RGS9: variants seen among roughly 807,000 people sequenced by gnomAD.
The protein encoded by RGS9 is regulator of G-protein signalling 9.
In RGS9, 78 loss-of-function variants were observed where a neutral mutation model predicts 102.0. The ratio of observed to expected loss-of-function variants is 0.76; its 90% CI spans 0.64 to 0.92. The LOEUF is 0.92. Ranked by LOEUF, RGS9 falls within the 40% of genes least tolerant of loss-of-function variation. The probability of loss-of-function intolerance (pLI) is 0.00; values close to 1 mark genes in which losing one functional copy is unlikely to be tolerated. For missense variants in RGS9, 833 were observed against 866.1 expected, an observed-to-expected ratio of 0.96 and a Z score of 0.48; for synonymous variants, 353 against 318.6, an observed-to-expected ratio of 1.11 and a Z score of -1.15.
chr17:65,193,616 A>T lies in RGS9; in HGVS notation c.820A>T (p.Ile274Phe). Residue 274 changes from isoleucine to phenylalanine, a missense_variant, in exon 12 of 19, where the codon ATC becomes TTC. This residue lies in a region of RGS9 where 328 missense variants were observed against 340.6 expected (regional missense o/e 0.96). Transcript: ENST00000262406. ...MSGCLPSNPWITDDTQFWDLN... is the reference protein window; with the variant it reads ...MSGCLPSNPWFTDDTQFWDLN... ...AGGCTGCCTCCCCAGCAACCCCTGG[A>T]TCACCGATGACACCCAGTTCTGGGA... The T allele has an allele frequency of 6.2e-7, 1 of 1,613,922 alleles. No individual in the cohort carries two copies. The highest frequency in any genetic ancestry group is 1.3e-5 in the African/African-American group (1 of 75,040).
At chr17:65,190,353 G>T in intron 11 of RGS9, 117 bp downstream of exon 11, 1 of 855,598 alleles carries the variant, frequency 1.2e-6, no homozygotes, top group South Asian at 1.3e-5. Context: ...AGAACTGTGA[G>T]GGACAAAACC....
At chr17:65,165,055 G>T (rs1911125514) in intron 7 of RGS9, among the ~76,000 whole-genome samples, 1 of 152,092 alleles carries the variant, frequency 6.6e-6, no homozygotes, top group Non-Finnish European at 1.5e-5. Context: ...CCAGCACTGG[G>T]CTGGGCTCCA....
rs148648846 is a variant in RGS9 at position 65,181,015 on chromosome 17, A to G, written c.654+3212A>G. ...ATGGCTGCATAGTATTCCATGGTATATATGTACCACATTTTCTTCATCCAG... is the reference window on the plus strand; with the variant it reads ...ATGGCTGCATAGTATTCCATGGTATGTATGTACCACATTTTCTTCATCCAG... On this transcript the variant is annotated intron_variant, in intron 9 of 18. Transcript: ENST00000262406. Among the ~76,000 whole-genome samples the G allele has an allele frequency of 2.8e-4, 43 of 152,328 alleles. No individual in the cohort carries two copies. The East Asian group carries it at 8.3e-3, about 29-fold the overall frequency.
rs373854315 is a variant in RGS9 at position 65,160,313 on chromosome 17, C to G, written c.286C>G (p.Pro96Ala). 1.9e-6 allele frequency: 3 copies of G among 1,613,950 alleles called. No individual in the cohort carries two copies. The highest frequency in any genetic ancestry group is 2.7e-5 in the African/African-American group (2 of 74,938). The change falls in exon 4 of 19, where the codon CCT becomes GCT. Residue 96 changes from proline (P) to alanine (A), a missense_variant. Pro to Ala is a conservative substitution (Grantham distance 27). Transcript: ENST00000262406. ...AGACCCCAAGAATCTCATTCTCAAG[C>G]CTGATGGCAGCCTCTACAGATTTCA... ...LQDPKNLILKPDGSLYRFQTP... is the reference protein window; with the variant it reads ...LQDPKNLILKADGSLYRFQTP...
intron 5 of RGS9, 94 bp from the exon 6 acceptor site, chr17:65,160,757 C>A (rs1910952253): frequency 1.4e-6 from 2 of 1,451,610 alleles, no homozygotes; most frequent in Non-Finnish European, 1.9e-6. Context: ...AGCGTTCTCT[C>A]CCCGACTCTG....
At chr17:65,170,608 C>T (rs1911378033) in intron 8 of RGS9, among the ~76,000 whole-genome samples, 1 of 152,144 alleles carries the variant, frequency 6.6e-6, no homozygotes, top group Non-Finnish European at 1.5e-5. Context: ...CTTTGGTAAC[C>T]TCCTCGGTCA....
chr17:65,181,186 T>C (rs1911871896), intron 9 of RGS9, among the ~76,000 whole-genome samples: 2 of 152,248 alleles, frequency 1.3e-5, no homozygotes, highest in Non-Finnish European at 2.9e-5. Flanking sequence ...GCTGGGTCAA[T>C]GGTAATTCTA....
chr17:65,144,759 C>A (rs200791133), intron 1 of RGS9, among the ~76,000 whole-genome samples: 1 of 152,192 alleles, frequency 6.6e-6, no homozygotes, highest in East Asian at 1.9e-4. Flanking sequence ...GATTCTCTCC[C>A]CTCTGTGCAG....
chr17:65,146,786 A>T (rs970107359), intron 1 of RGS9, among the ~76,000 whole-genome samples: 6 of 152,124 alleles, frequency 3.9e-5, no homozygotes, highest in African/African-American at 1.4e-4. Context: ...GCTTCTCAGG[A>T]GGCTGAGGCA....
intron 8 of RGS9, among the ~76,000 whole-genome samples, chr17:65,176,574 T>A (rs1911631746): frequency 6.6e-6 from 1 of 152,144 alleles, no homozygotes; most frequent in South Asian, 2.1e-4. Context: ...AAGCCCAAGA[T>A]GAAACCACAG....
intron 9 of RGS9, among the ~76,000 whole-genome samples, chr17:65,184,436 G>A (rs1421304778): frequency 6.6e-6 from 1 of 152,184 alleles, no homozygotes; most frequent in East Asian, 1.9e-4. Context: ...CAGTGGTGGT[G>A]TAGTAGCCCT....
At chr17:65,158,143 G>C in intron 2 of RGS9, 152 bp from the exon 3 acceptor site, 1 of 766,948 alleles carries the variant, frequency 1.3e-6, no homozygotes, top group African/African-American at 1.7e-5. Context: ...AGCTGGGACT[G>C]AGCATGATGA....
chr17:65,209,412 A>G (rs192614875), intron 16 of RGS9, among the ~76,000 whole-genome samples: 19 of 152,284 alleles, frequency 1.2e-4, no homozygotes, highest in Admixed American at 1.2e-3. Flanking sequence ...TTATGTAGTC[A>G]AGGGGCTTAT....
chr17:65,196,208 G>A (rs1912579874), intron 12 of RGS9, among the ~76,000 whole-genome samples: 1 of 152,236 alleles, frequency 6.6e-6, no homozygotes, highest in South Asian at 2.1e-4. Flanking sequence ...ATAGGACAAT[G>A]CTTTGTGAAT....
intron 9 of RGS9, among the ~76,000 whole-genome samples, chr17:65,182,289 A>G (rs1001679066): frequency 7.2e-5 from 11 of 152,356 alleles, no homozygotes; most frequent in African/African-American, 2.6e-4. Context: ...AGCTGAGGGA[A>G]GGGAAGGGGC....
At chr17:65,206,671 C>T (rs990093432) in intron 15 of RGS9, among the ~76,000 whole-genome samples, 4 of 151,974 alleles carry the variant, frequency 2.6e-5, no homozygotes, top group Admixed American at 2.0e-4. Context: ...AGTGAAACTC[C>T]GTCTCAAAAA....
At chr17:65,215,476 C>T (rs572276441) in intron 17 of RGS9, among the ~76,000 whole-genome samples, 1,349 of 121,452 alleles carry the variant, frequency 0.011, 33 homozygotes, top group African/African-American at 0.053. Flanking sequence ...CTTTCTTTCT[C>T]TATCTTTCTT....
At chr17:65,213,474 C>T (rs1347378555) in intron 17 of RGS9, among the ~76,000 whole-genome samples, 1 of 152,010 alleles carries the variant, frequency 6.6e-6, no homozygotes, top group Non-Finnish European at 1.5e-5. Flanking sequence ...TCCATATGAG[C>T]TGAGATGACA....
At chr17:65,178,547 G>A (rs529952225) in intron 9 of RGS9, among the ~76,000 whole-genome samples, 111 of 151,246 alleles carry the variant, frequency 7.3e-4, no homozygotes, top group Middle Eastern at 3.4e-3. Flanking sequence ...TCTGTTGCCC[G>A]GGCTGCAGTG....
Sources: allele counts gnomAD v4.1 joint callset (sites outside exome capture counted in the v4.1 genomes callset), GRCh38; gene constraint gnomAD v4.1.1; regional missense constraint gnomAD v4.1.1; transcripts MANE v1.5; gene names NCBI Gene and HGNC (gene_info 2026-07-23, HGNC 2026-07-21).